The following TNR variants were observed in gnomAD, a reference collection of about 807,000 sequenced individuals.
TNR encodes tenascin R.
In TNR, 45 loss-of-function variants were observed where a neutral mutation model predicts 150.4. The observed-to-expected ratio is 0.30, with a 90% CI of 0.24 to 0.38. TNR has a LOEUF of 0.38. Ranked by LOEUF, TNR falls within the 10% of genes least tolerant of loss-of-function variation. The pLI is 1.00. For synonymous variants in TNR, 687 were observed against 678.4 expected, an observed-to-expected ratio of 1.01 and a Z score of -0.20; for missense variants, 1,544 against 1,759.1, an observed-to-expected ratio of 0.88 and a Z score of 2.19.
chr1:175,343,317 C>T (rs1318309539), intron 18 of TNR, among the ~76,000 whole-genome samples: 1 of 152,174 alleles, frequency 6.6e-6, no homozygotes. Flanking sequence ...ACTCCTCCCT[C>T]AGGGTGTAGT....
At chr1:175,348,926 A>C (rs889283661) in intron 18 of TNR, among the ~76,000 whole-genome samples, 7 of 152,338 alleles carry the variant, frequency 4.6e-5, no homozygotes, top group Admixed American at 4.6e-4. Context: ...AAAATTGACA[A>C]ACTATATGAG....
At chr1:175,331,058 T>C (rs867694612) in intron 20 of TNR, among the ~76,000 whole-genome samples, 169 of 116,228 alleles carry the variant, frequency 1.5e-3, no homozygotes, top group African/African-American at 5.1e-3. Context: ...TCTTTCTTTC[T>C]TTCTTTCTTT....
intron 12 of TNR, among the ~76,000 whole-genome samples, chr1:175,364,088 C>T (rs577306392): frequency 1.3e-5 from 2 of 152,312 alleles, no homozygotes; most frequent in African/African-American, 4.8e-5. Flanking sequence ...TACCTATCTG[C>T]AAGCCAACTA....
At chr1:175,585,631 C>T (rs1029924103) in intron 1 of TNR, among the ~76,000 whole-genome samples, 1 of 152,148 alleles carries the variant, frequency 6.6e-6, no homozygotes, top group South Asian at 2.1e-4. Context: ...GACAGGAAGA[C>T]CTTAATAGTA....
At chr1:175,543,976 C>T (rs1428010730) in intron 1 of TNR, among the ~76,000 whole-genome samples, 1 of 152,136 alleles carries the variant, frequency 6.6e-6, no homozygotes, top group Non-Finnish European at 1.5e-5. Flanking sequence ...TGAGAAACCT[C>T]ATGGGGCATT....
chr1:175,365,710 C>G (rs905367950), intron 11 of TNR, among the ~76,000 whole-genome samples, 165 bp downstream of exon 11: 3 of 152,052 alleles, frequency 2.0e-5, no homozygotes, highest in Non-Finnish European at 4.4e-5. Flanking sequence ...TACTTCCAAC[C>G]CTTCCCTCTT....
intron 7 of TNR, among the ~76,000 whole-genome samples, chr1:175,387,401 G>A (rs1383957104): frequency 2.0e-5 from 3 of 152,308 alleles, no homozygotes; most frequent in South Asian, 2.1e-4. Flanking sequence ...GTGTTGGACC[G>A]TGCAGAGCCA....
intron 1 of TNR, among the ~76,000 whole-genome samples, chr1:175,611,782 G>A (rs1269836975): frequency 6.6e-6 from 1 of 152,098 alleles, no homozygotes; most frequent in Non-Finnish European, 1.5e-5. Context: ...ACTCACAGAC[G>A]CATAGTCTCT....
At chr1:175,336,396 G>T (rs984157309) in intron 19 of TNR, among the ~76,000 whole-genome samples, 1 of 152,234 alleles carries the variant, frequency 6.6e-6, no homozygotes, top group African/African-American at 2.4e-5. Context: ...TCTCCCAAGA[G>T]TAGCTGTTAT....
At chr1:175,625,822 A>G (rs535069351) in intron 1 of TNR, among the ~76,000 whole-genome samples, 1 of 152,218 alleles carries the variant, frequency 6.6e-6, no homozygotes, top group Admixed American at 6.5e-5. Flanking sequence ...TCCTACCCCC[A>G]GCCATCTGCA....
intron 1 of TNR, among the ~76,000 whole-genome samples, chr1:175,682,803 T>C (rs941161672): frequency 2.0e-5 from 3 of 152,248 alleles, no homozygotes; most frequent in African/African-American, 7.2e-5. Context: ...TGCAAGAGCA[T>C]GGCACCCTTC....
intron 1 of TNR, among the ~76,000 whole-genome samples, chr1:175,657,581 T>C (rs1665220209): frequency 6.6e-6 from 1 of 151,872 alleles, no homozygotes; most frequent in South Asian, 2.1e-4. Context: ...CATGGAATAC[T>C]ATGCAGCCAT....
intron 18 of TNR, among the ~76,000 whole-genome samples, chr1:175,340,507 T>C (rs1163330777): frequency 6.6e-6 from 1 of 152,220 alleles, no homozygotes; most frequent in African/African-American, 2.4e-5. Context: ...CTAGTCCTTG[T>C]CCAAAATATT....
At chr1:175,646,144 C>T (rs1664803778) in intron 1 of TNR, among the ~76,000 whole-genome samples, 1 of 152,148 alleles carries the variant, frequency 6.6e-6, no homozygotes, top group Non-Finnish European at 1.5e-5. Context: ...GAGTGTCTCC[C>T]CACACTTTCT....
rs1170871501 is a variant in TNR at position 175,634,002 on chromosome 1, TGATGATGATGAC to T, written c.-164-105645_-164-105634del. Among the ~76,000 whole-genome samples the T allele has an allele frequency of 5.0e-5, 4 of 79,612 alleles. No individual in the cohort carries two copies. The South Asian group carries it at 1.3e-3, about 25-fold the overall frequency. The allele number at this position is 79,612 out of a possible 152,430, so 52.2% of individuals were successfully genotyped here. A position where few individuals can be genotyped will look rare whatever the true frequency, so the allele number is the denominator to read the frequency against. ...TTCTTTCGTAGGACTGGGATGATGA[TGATGATGATGAC>T]GATGATGATGATGATAAGGCCAACC... On this transcript the variant is annotated intron_variant, in intron 1 of 22. Transcript: ENST00000367674.
intron 10 of TNR, among the ~76,000 whole-genome samples, chr1:175,366,989 C>T (rs565257926): frequency 3.3e-4 from 51 of 152,266 alleles, no homozygotes; most frequent in South Asian, 2.5e-3. Flanking sequence ...CACGGGGGAC[C>T]GAGCACAGGT....
chr1:175,393,829 T>A lies in TNR; in HGVS notation c.1307A>T (p.Glu436Val), dbSNP rs1385771777. ...ITETTVEVQW[E>V]PFSFSFDGWE... ...CCCATCGAAGGAAAATGAGAAGGGC[T>A]CCCACTGCACCTCCACGGTGGTCTC... The change falls in exon 6 of 23, where the codon GAG becomes GTG. Residue 436 changes from glutamate (E) to valine (V), a missense_variant. By Grantham distance (121) the Glu-to-Val change is moderately radical (BLOSUM62 -2). Transcript: ENST00000367674. 6.2e-7 allele frequency: 1 copy of A among 1,614,118 alleles called. No homozygotes were observed. The highest frequency in any genetic ancestry group is 8.5e-7 in the Non-Finnish European group (1 of 1,180,008).
At chr1:175,566,873 T>TA (rs2102215593) in intron 1 of TNR, among the ~76,000 whole-genome samples, 1 of 152,366 alleles carries the variant, frequency 6.6e-6, no homozygotes, top group East Asian at 1.9e-4. Flanking sequence ...CCTAGACTGT[T>TA]ACTTTTCAAA....
At chr1:175,592,328 G>A (rs6688005) in intron 1 of TNR, among the ~76,000 whole-genome samples, 2,288 of 152,324 alleles carry the variant, frequency 0.015, 54 homozygotes, top group African/African-American at 0.052. Context: ...CTCTGATGCA[G>A]CCAGTGTTCC....
Sources: gnomAD v4.1 joint callset for allele counts (sites outside exome capture counted in the v4.1 genomes callset) on GRCh38, gnomAD v4.1.1 for gene constraint, MANE v1.5 for transcripts, NCBI Gene and HGNC (gene_info 2026-07-23, HGNC 2026-07-21) for gene names.